The following ENPP2 variants were observed in gnomAD, a reference collection of about 807,000 sequenced individuals.
The protein encoded by ENPP2 is autotaxin.
In ENPP2, 51 loss-of-function variants were observed where a neutral mutation model predicts 120.2. The ratio of observed to expected loss-of-function variants is 0.42; its 90% CI spans 0.34 to 0.54. The LOEUF (loss-of-function observed/expected upper bound fraction) is 0.54, where lower values mean the gene tolerates loss of function less well. ENPP2 is among the 20% of genes least tolerant of loss of function. The probability of loss-of-function intolerance (pLI) is 0.04; values close to 1 mark genes in which losing one functional copy is unlikely to be tolerated. For missense variants in ENPP2, 920 were observed against 1,066.5 expected (o/e 0.86, Z 1.91); for synonymous variants, 365 against 366.4 (o/e 1.00, Z 0.04).
chr8:119,616,504 A>G (rs1228045535), intron 7 of ENPP2, 120 bp from the exon 8 acceptor site: 3 of 590,686 alleles, frequency 5.1e-6, no homozygotes, highest in South Asian at 2.8e-5. Flanking sequence ...CCAAAATTAT[A>G]TAAGACATGT....
At chr8:119,627,550 CA>C (rs113032891) in intron 2 of ENPP2, among the ~76,000 whole-genome samples, 18,624 of 149,542 alleles carry the variant, frequency 0.12, 1,321 homozygotes, top group Middle Eastern at 0.24. Flanking sequence ...AAAAGTCTAC[CA>C]AAAAAAAAAT....
chr8:119,598,022 G>T (rs1814025110), intron 11 of ENPP2, among the ~76,000 whole-genome samples: 1 of 152,060 alleles, frequency 6.6e-6, no homozygotes, highest in Admixed American at 6.6e-5. Context: ...CTTTCAACTA[G>T]TATGTTATAA....
intron 8 of ENPP2, among the ~76,000 whole-genome samples, chr8:119,615,233 C>T (rs1346587991): frequency 6.6e-6 from 1 of 152,050 alleles, no homozygotes; most frequent in African/African-American, 2.4e-5. Context: ...TCTCCCAGCC[C>T]TCTTCTCTAA....
intron 1 of ENPP2, among the ~76,000 whole-genome samples, chr8:119,656,912 C>A (rs1259204886): frequency 6.6e-6 from 1 of 151,896 alleles, no homozygotes; most frequent in Non-Finnish European, 1.5e-5. Context: ...TATATAATAT[C>A]GTTTTTTATT....
chr8:119,580,300 C>G (rs1563689454), intron 18 of ENPP2, 133 bp from the exon 19 acceptor site: 1 of 733,332 alleles, frequency 1.4e-6, no homozygotes, highest in South Asian at 1.6e-5. Context: ...ATCATACATT[C>G]TTTCGAGGAA....
intron 3 of ENPP2, 35 bp from the exon 4 acceptor site, chr8:119,621,554 C>G: frequency 6.2e-7 from 1 of 1,604,504 alleles, no homozygotes; most frequent in Non-Finnish European, 8.5e-7. Flanking sequence ...TTCACTGCTG[C>G]ACACTAACCA....
At chr8:119,587,275 A>G (rs1204469187) in intron 13 of ENPP2, among the ~76,000 whole-genome samples, 200 bp from the exon 14 acceptor site, 1 of 152,182 alleles carries the variant, frequency 6.6e-6, no homozygotes. Context: ...AGTGGAACAA[A>G]TCCTATAGTA....
chr8:119,627,301 C>T (rs146876128), intron 2 of ENPP2, among the ~76,000 whole-genome samples: 71 of 152,184 alleles, frequency 4.7e-4, no homozygotes, highest in African/African-American at 1.5e-3. Context: ...TCTCAAAAAA[C>T]TCCTCCATCA....
At chr8:119,576,860 A>G (rs893393070) in intron 19 of ENPP2, among the ~76,000 whole-genome samples, 42 of 152,326 alleles carry the variant, frequency 2.8e-4, no homozygotes, top group African/African-American at 9.6e-4. Context: ...TAGAAATATT[A>G]AAGTTTAGCA....
chr8:119,619,817 GA>G (rs1172234195), intron 4 of ENPP2, among the ~76,000 whole-genome samples: 1 of 150,400 alleles, frequency 6.6e-6, no homozygotes, highest in Admixed American at 6.6e-5. Context: ...AATTTAGAAA[GA>G]AAAAAATGCT....
At chr8:119,612,424 A>T (rs1221844654) in intron 8 of ENPP2, among the ~76,000 whole-genome samples, 2 of 152,220 alleles carry the variant, frequency 1.3e-5, no homozygotes, top group East Asian at 1.9e-4. Flanking sequence ...TTTGGCCTGG[A>T]AAGTCACCCC....
chr8:119,570,138 G>A (rs188451418), intron 20 of ENPP2, among the ~76,000 whole-genome samples: 7 of 151,964 alleles, frequency 4.6e-5, no homozygotes, highest in South Asian at 2.1e-4. Context: ...GTGTGGTGGC[G>A]TGCATCTCTA....
At chr8:119,563,096 G>C (rs1219339837) in intron 23 of ENPP2, 83 bp from the exon 24 acceptor site, 2 of 1,174,060 alleles carry the variant, frequency 1.7e-6, no homozygotes, top group Non-Finnish European at 2.4e-6. Flanking sequence ...AATGAATATT[G>C]CCTAAGTCAC....
chr8:119,580,037 C>G (rs563441107), intron 19 of ENPP2, 79 bp downstream of exon 19: 392 of 934,330 alleles, frequency 4.2e-4, no homozygotes, highest in Admixed American at 1.0e-3. Flanking sequence ...TGTGCTTACA[C>G]TATAATGTAA....
chr8:119,614,526 C>T (rs537472089), intron 8 of ENPP2, among the ~76,000 whole-genome samples: 1 of 152,250 alleles, frequency 6.6e-6, no homozygotes, highest in African/African-American at 2.4e-5. Flanking sequence ...GAAACAGAGA[C>T]TTCACTTCAT....
chr8:119,570,761 C>A lies in ENPP2; in HGVS notation c.1861G>T (p.Gly621Cys), dbSNP rs1383324120. The A allele has an allele frequency of 1.3e-6, 2 of 1,594,270 alleles. No individual in the cohort carries two copies. The highest frequency in any genetic ancestry group is 2.3e-5 in the South Asian group (2 of 87,980). Residue 621 changes from glycine to cysteine, a missense_variant, in exon 20 of 25, where the codon GGT becomes TGT. Transcript: ENST00000075322. ...GGCATTAGGAATATTTCACTATAAC[C>A]ACTTTCAAAGTCAGTGTGATATAAG... is the stretch of plus-strand genomic sequence containing the variant. ...DILYHTDFESGYSEIFLMPLW... is the reference protein window; with the variant it reads ...DILYHTDFESCYSEIFLMPLW...
At chr8:119,641,140 C>T (rs114632947), upstream of ENPP2, among the ~76,000 whole-genome samples, 390 of 152,252 alleles carry the variant, frequency 2.6e-3, no homozygotes, top group African/African-American at 8.9e-3. Context: ...AACACATACA[C>T]GCACACACAC....
intron 1 of ENPP2, among the ~76,000 whole-genome samples, chr8:119,660,080 C>T (rs772905868): frequency 1.3e-5 from 2 of 152,156 alleles, no homozygotes; most frequent in Non-Finnish European, 2.9e-5. Context: ...TCTCTCCTAG[C>T]TATCGTCTAA....
In ENPP2 at chr8:119,562,873, T is replaced by C. The variant is rs756880345; in HGVS notation, c.2405A>G (p.Asn802Ser). The change falls in exon 24 of 25, where the codon AAC becomes AGC. Residue 802 changes from asparagine (N) to serine (S), a missense_variant. By Grantham distance (46) the Asn-to-Ser change is conservative. Transcript: ENST00000075322. ...TAAACTCACATTGCAGCTCTCCTCG[T>C]TGTCAGGCCGGTGAGGCAGGATGAA... ...SSFILPHRPD[N>S]EESCNSSEDE... 1 of 1,614,108 alleles carries C rather than the reference T, an allele frequency of 6.2e-7. No individual in the cohort carries two copies.
Sources: allele counts gnomAD v4.1 joint callset (sites outside exome capture counted in the v4.1 genomes callset), GRCh38; gene constraint gnomAD v4.1.1; transcripts MANE v1.5; gene names NCBI Gene and HGNC (gene_info 2026-07-23, HGNC 2026-07-21).